Variants in NPFFR2 observed in about 807,000 individuals in gnomAD.
The protein encoded by NPFFR2 is neuropeptide FF receptor 2, also known as G-protein coupled receptor 74.
A neutral mutation model predicts 13.1 loss-of-function variants in NPFFR2; 15 were observed. The observed-to-expected ratio is 1.15, with a 90% CI of 0.77 to 1.76. NPFFR2 has a LOEUF of 1.76. Among genes scored for constraint, NPFFR2 ranks in the 40% most tolerant of loss-of-function variants. NPFFR2 has a pLI of 0.00. For missense variants in NPFFR2, 572 were observed against 503.5 expected, an observed-to-expected ratio of 1.14 and a Z score of -1.30; for synonymous variants, 190 against 175.7, an observed-to-expected ratio of 1.08 and a Z score of -0.65.
intron 3 of NPFFR2, among the ~76,000 whole-genome samples, chr4:72,141,799 A>G (rs974118998): frequency 1.3e-5 from 2 of 152,170 alleles, no homozygotes; most frequent in African/African-American, 4.8e-5. Context: ...GCTGAGTTCA[A>G]GTCCTGGATA....
intron 1 of NPFFR2, among the ~76,000 whole-genome samples, chr4:72,106,140 A>G (rs1721413057): frequency 6.6e-6 from 1 of 151,982 alleles, no homozygotes; most frequent in South Asian, 2.1e-4. Context: ...GGATTAAAGG[A>G]GATGTGCAAA....
chr4:72,034,392 C>T (rs1002377506), intron 1 of NPFFR2, among the ~76,000 whole-genome samples: 2 of 152,024 alleles, frequency 1.3e-5, no homozygotes, highest in African/African-American at 2.4e-5. Context: ...GAAGGAGAAA[C>T]GCCAAGCCAA....
At chr4:72,088,589 C>T (rs1720830951) in intron 1 of NPFFR2, among the ~76,000 whole-genome samples, 1 of 151,962 alleles carries the variant, frequency 6.6e-6, no homozygotes, top group South Asian at 2.1e-4. Flanking sequence ...GCTTAACTGA[C>T]TCACAGCTCC....
intron 1 of NPFFR2, among the ~76,000 whole-genome samples, chr4:72,062,110 C>T (rs545922164): frequency 4.6e-5 from 7 of 151,222 alleles, no homozygotes; most frequent in African/African-American, 1.5e-4. Flanking sequence ...TTTCTTTCCA[C>T]GGGAACCATA....
intron 1 of NPFFR2, among the ~76,000 whole-genome samples, chr4:72,115,618 G>A (rs10022675): frequency 0.076 from 11,502 of 152,082 alleles, 1,364 homozygotes; most frequent in African/African-American, 0.25. Context: ...TCCTATTTCT[G>A]TATATTGTAA....
chr4:72,114,749 G>A (rs1393350182), intron 1 of NPFFR2, among the ~76,000 whole-genome samples: 1 of 152,076 alleles, frequency 6.6e-6, no homozygotes, highest in Non-Finnish European at 1.5e-5. Flanking sequence ...TGAACAACAT[G>A]TTATAGACCA....
chr4:72,065,043 G>T (rs115107179), intron 1 of NPFFR2, among the ~76,000 whole-genome samples: 1 of 151,486 alleles, frequency 6.6e-6, no homozygotes, highest in Non-Finnish European at 1.5e-5. Context: ...TTGTCCAGTG[G>T]CCAGAGACAG....
intron 1 of NPFFR2, among the ~76,000 whole-genome samples, chr4:72,097,417 T>G (rs766504044): frequency 1.3e-5 from 2 of 152,142 alleles, no homozygotes; most frequent in Non-Finnish European, 2.9e-5. Context: ...TCTGTCTTCA[T>G]CAGCTTTTCC....
intron 1 of NPFFR2, among the ~76,000 whole-genome samples, chr4:72,077,359 G>A (rs1237686594): frequency 6.6e-6 from 1 of 152,092 alleles, no homozygotes; most frequent in Non-Finnish European, 1.5e-5. Flanking sequence ...GGCCTGTCAT[G>A]GGCCAGGAAA....
In NPFFR2 at chr4:72,138,086, G is replaced by A. The variant is rs1248322234; in HGVS notation, c.375G>A (p.Gln125=). 6.2e-7 allele frequency: 1 copy of A among 1,613,668 alleles called. No individual in the cohort carries two copies. Among genetic ancestry groups the A allele is most frequent in the African/African-American group, 1.3e-5 (1 of 74,896 alleles). Residue 125 remains glutamine (Q), a synonymous_variant, in exon 3 of 4, where the codon CAG becomes CAA. Coordinates refer to ENST00000308744, the MANE Select transcript of NPFFR2 (RefSeq NM_004885.3). The stretch of plus-strand genomic sequence containing the variant: ...TGTGCAAGATCAGTGGATTGGTCCA[G>A]GGAATATCTGTCGCAGCTTCAGTCT... ...NTMCKISGLV[Q]GISVAASVFT... is the part of the protein sequence containing the mutation.
chr4:72,063,477 A>G (rs1476036247), intron 1 of NPFFR2, among the ~76,000 whole-genome samples: 1 of 152,248 alleles, frequency 6.6e-6, no homozygotes, highest in African/African-American at 2.4e-5. Context: ...GTGATTAAGA[A>G]GAAAAAGCTT....
chr4:72,100,400 A>G (rs1721207126), intron 1 of NPFFR2, among the ~76,000 whole-genome samples: 1 of 152,138 alleles, frequency 6.6e-6, no homozygotes, highest in South Asian at 2.1e-4. Context: ...TATTTATAAA[A>G]TAGGTGTTAC....
In NPFFR2 at chr4:72,109,783, G is replaced by A. The variant is rs116253303; in HGVS notation, c.-7-18802G>A. On this transcript the variant is annotated intron_variant, in intron 1 of 3. Transcript: ENST00000308744. ...CAAGGCCATTGGCTATAAGTGAAAA[G>A]TCTTTGAACTGCTTTCATCTCTGTC... Among the ~76,000 whole-genome samples, 906 of 152,024 alleles carry A rather than the reference G, an allele frequency of 6.0e-3. 14 individuals are homozygous for A. Among genetic ancestry groups the A allele is most frequent in the African/African-American group, 0.021 (878 of 41,490 alleles).
At chr4:72,100,773 A>G (rs772755759) in intron 1 of NPFFR2, among the ~76,000 whole-genome samples, 14 of 152,222 alleles carry the variant, frequency 9.2e-5, no homozygotes, top group Non-Finnish European at 1.6e-4. Flanking sequence ...CAGTGGTAAT[A>G]ACATAATAAT....
intron 3 of NPFFR2, among the ~76,000 whole-genome samples, chr4:72,139,628 G>A (rs1316166502): frequency 1.3e-5 from 2 of 152,074 alleles, no homozygotes; most frequent in Admixed American, 1.3e-4. Context: ...TCTCTGTTTT[G>A]ATACCACTAC....
chr4:72,077,666 C>T (rs151051945), intron 1 of NPFFR2, among the ~76,000 whole-genome samples: 250 of 152,204 alleles, frequency 1.6e-3, no homozygotes, highest in African/African-American at 5.6e-3. Context: ...ACTGAAAGTC[C>T]TCACTCCTTA....
Position 72,147,303 on chromosome 4 carries a change from C to G in NPFFR2, c.754C>G (p.Pro252Ala), listed in dbSNP as rs1722815337. The G allele has an allele frequency of 6.2e-7, 1 of 1,614,022 alleles. No individual in the cohort carries two copies. Among genetic ancestry groups the G allele is most frequent in the Admixed American group, 1.7e-5 (1 of 59,990 alleles). ...AATTTCACTCTTCAGGGCTGCAGTT[C>G]CTCACACAGGCAGGAAGAACCAGGA... ...IGISLFRAAV[P>A]HTGRKNQEQW... Residue 252 changes from proline to alanine, a missense_variant, in exon 4 of 4, where the codon CCT (proline) becomes GCT (alanine). Transcript: ENST00000308744.
chr4:72,085,370 G>C (rs575913895), intron 1 of NPFFR2, among the ~76,000 whole-genome samples: 7 of 152,136 alleles, frequency 4.6e-5, no homozygotes, highest in African/African-American at 7.2e-5. Context: ...CAAAGGGCTC[G>C]TAACTTGGAT....
chr4:72,137,624 A>G (rs988867089), intron 2 of NPFFR2, among the ~76,000 whole-genome samples: 1 of 152,328 alleles, frequency 6.6e-6, no homozygotes, highest in East Asian at 1.9e-4. Context: ...GCATTATTGC[A>G]TCAGAGTCAA....
Sources: gnomAD v4.1 joint callset for allele counts (sites outside exome capture counted in the v4.1 genomes callset) on GRCh38, gnomAD v4.1.1 for gene constraint, MANE v1.5 for transcripts, NCBI Gene and HGNC (gene_info 2026-07-23, HGNC 2026-07-21) for gene names.